The following PCDHA1 variants were observed in gnomAD, a reference collection of about 807,000 sequenced individuals.
The protein encoded by PCDHA1 is protocadherin alpha 1.
In PCDHA1, 42 loss-of-function variants were observed where a neutral mutation model predicts 61.3. The ratio of observed to expected loss-of-function variants is 0.69; its 90% CI spans 0.54 to 0.89. The LOEUF (loss-of-function observed/expected upper bound fraction) is 0.89, where lower values mean the gene tolerates loss of function less well. Among genes scored for constraint, PCDHA1 ranks in the 40% least tolerant of loss-of-function variants. The probability of loss-of-function intolerance (pLI) is 0.00; values close to 1 mark genes in which losing one functional copy is unlikely to be tolerated. For synonymous variants in PCDHA1, 610 were observed against 553.8 expected, an observed-to-expected ratio of 1.10 and a Z score of -1.43; for missense variants, 1,256 against 1,235.3, an observed-to-expected ratio of 1.02 and a Z score of -0.25.
intron 1 of PCDHA1, among the ~76,000 whole-genome samples, chr5:140,948,711 C>CT (rs1443735728): frequency 6.8e-6 from 1 of 147,398 alleles, no homozygotes; most frequent in African/African-American, 2.7e-5. Context: ...GTTCTATCCT[C>CT]TTTTTTATCA....
At chr5:140,830,445 A>G in intron 1 of PCDHA1, 4 of 1,603,790 alleles carry the variant, frequency 2.5e-6, no homozygotes, top group Non-Finnish European at 3.4e-6. Context: ...ATGATGGGTA[A>G]GGCGGAGAAT....
At chr5:140,871,284 T>G in intron 1 of PCDHA1, 1 of 1,613,896 alleles carries the variant, frequency 6.2e-7, no homozygotes. Flanking sequence ...CAACGCCCAC[T>G]GAGGGCGCGT....
intron 1 of PCDHA1, among the ~76,000 whole-genome samples, chr5:140,790,738 T>G (rs1183059995): frequency 2.6e-5 from 4 of 152,262 alleles, no homozygotes; most frequent in Admixed American, 2.0e-4. Flanking sequence ...TGGCCAGGCT[T>G]AGGATTGCCT....
intron 1 of PCDHA1, chr5:140,803,390 C>T (rs369650998): frequency 1.2e-6 from 2 of 1,614,130 alleles, no homozygotes; most frequent in Admixed American, 1.7e-5. Flanking sequence ...CCGAAGGCGA[C>T]TGTGGGCCGG....
chr5:140,926,683 C>A, intron 1 of PCDHA1: 3 of 669,314 alleles, frequency 4.5e-6, no homozygotes, highest in Non-Finnish European at 6.7e-6. Context: ...AGCCTCCAGC[C>A]TAGCAAGCCC....
intron 1 of PCDHA1, chr5:140,823,464 G>A (rs543460881): frequency 6.2e-7 from 1 of 1,613,420 alleles, no homozygotes; most frequent in Non-Finnish European, 8.5e-7. Flanking sequence ...ACGCGCCGGC[G>A]CTGCTGGTGC....
chr5:140,881,300 T>C, intron 1 of PCDHA1: 3 of 957,608 alleles, frequency 3.1e-6, no homozygotes, highest in Non-Finnish European at 3.7e-6. Flanking sequence ...ATGGAAACTT[T>C]AACCTCCTGG....
intron 1 of PCDHA1, chr5:140,853,001 C>A (rs1254366907): frequency 3.9e-5 from 12 of 305,202 alleles, no homozygotes; most frequent in Non-Finnish European, 6.0e-5. Context: ...GCCTCAGCCT[C>A]CCGAGTAGCT....
At chr5:140,887,157 C>T (rs1200573671) in intron 1 of PCDHA1, among the ~76,000 whole-genome samples, 4 of 151,110 alleles carry the variant, frequency 2.6e-5, no homozygotes, top group African/African-American at 9.7e-5. Flanking sequence ...AGTACAGTGG[C>T]GTGATCTCGG....
intron 1 of PCDHA1, chr5:140,796,449 G>A (rs2149921780): frequency 6.2e-7 from 1 of 1,613,100 alleles, no homozygotes; most frequent in Admixed American, 1.7e-5. Context: ...ACTCGCTGGT[G>A]GAGCGGCGGG....
At chr5:140,889,101 T>TCC in intron 1 of PCDHA1, among the ~76,000 whole-genome samples, 1 of 152,074 alleles carries the variant, frequency 6.6e-6, no homozygotes, top group East Asian at 1.9e-4. Context: ...AATTTTTTCA[T>TCC]CTTTATTCCA....
intron 1 of PCDHA1, chr5:140,851,385 AGTATCTATTATTTT>A: frequency 4.1e-6 from 4 of 975,218 alleles, no homozygotes; most frequent in Non-Finnish European, 5.0e-6. Flanking sequence ...AGCAACCTTC[AGTATCTATTATTTT>A]AATAAGAAAG....
chr5:140,841,706 A>G, intron 1 of PCDHA1: 2 of 1,613,892 alleles, frequency 1.2e-6, no homozygotes, highest in Non-Finnish European at 1.7e-6. Context: ...TGTTAATGAC[A>G]ACCCGCCAGT....
At chr5:140,944,344 C>T (rs567913669) in intron 1 of PCDHA1, among the ~76,000 whole-genome samples, 5 of 152,238 alleles carry the variant, frequency 3.3e-5, no homozygotes, top group Admixed American at 2.0e-4. Context: ...CGTGCCACCA[C>T]ACCTGGCTAA....
chr5:140,830,552 G>A (rs1771127329), intron 1 of PCDHA1: 2 of 1,081,316 alleles, frequency 1.8e-6, no homozygotes, highest in African/African-American at 3.3e-5. Context: ...CCTCATATTT[G>A]TCTTCTATAT....
chr5:140,892,233 C>G (rs1199614913), intron 1 of PCDHA1, among the ~76,000 whole-genome samples: 1 of 152,082 alleles, frequency 6.6e-6, no homozygotes, highest in Non-Finnish European at 1.5e-5. Context: ...TGTTTTGTCT[C>G]CACATAAACC....
chr5:140,911,687 G>A (rs1554194873), intron 1 of PCDHA1, among the ~76,000 whole-genome samples: 1 of 152,166 alleles, frequency 6.6e-6, no homozygotes, highest in Non-Finnish European at 1.5e-5. Context: ...CGTGCATCAG[G>A]AGTGTCAAAT....
At chr5:140,871,277 C>T (rs1187011496) in intron 1 of PCDHA1, 15 of 1,613,782 alleles carry the variant, frequency 9.3e-6, no homozygotes, top group Admixed American at 6.7e-5. Flanking sequence ...TGGTCGGCAA[C>T]GCCCACTGAG....
At chr5:140,862,664 C>A in intron 1 of PCDHA1, 1 of 547,450 alleles carries the variant, frequency 1.8e-6, no homozygotes, top group Non-Finnish European at 3.7e-6. Flanking sequence ...GACCGGGACG[C>A]GCAGGAGAAC....
Sources: allele counts gnomAD v4.1 joint callset (sites outside exome capture counted in the v4.1 genomes callset), GRCh38; gene constraint gnomAD v4.1.1; transcripts MANE v1.5; gene names NCBI Gene and HGNC (gene_info 2026-07-23, HGNC 2026-07-21).